Variants in P2RY12 observed in about 807,000 individuals in gnomAD.
P2RY12 encodes the protein purinergic receptor P2Y12.
P2RY12 carries 3 observed loss-of-function variants against 4.5 expected under a neutral mutation model. The ratio of observed to expected loss-of-function variants is 0.67; its 90% confidence interval spans 0.31 to 1.74. The LOEUF (loss-of-function observed/expected upper bound fraction) is 1.74. P2RY12 is among the 40% of genes most tolerant of loss of function. The pLI is 0.09. For missense variants in P2RY12, 356 were observed against 407.8 expected (o/e 0.87, Z 1.09); for synonymous variants, 148 against 154.1 (o/e 0.96, Z 0.29).
At chr3:151,359,135 A>G (rs150724815) in intron 1 of P2RY12, among the ~76,000 whole-genome samples, 247 of 152,092 alleles carry the variant, frequency 1.6e-3, no homozygotes, top group African/African-American at 5.7e-3. Context: ...CCTTATGTCC[A>G]CGTGTACCTC....
chr3:151,383,324 G>A (rs1358142049), intron 1 of P2RY12, among the ~76,000 whole-genome samples: 1 of 152,188 alleles, frequency 6.6e-6, no homozygotes, highest in South Asian at 2.1e-4. Context: ...TGCGGGCCAA[G>A]CCTCCTGCCC....
chr3:151,339,451 C>A (rs960034075), intron 2 of P2RY12, among the ~76,000 whole-genome samples: 5 of 147,778 alleles, frequency 3.4e-5, no homozygotes, highest in African/African-American at 1.2e-4. Context: ...AAAAGCTGAC[C>A]TTTTTTCTTT....
chr3:151,356,785 T>A (rs1005546649), intron 1 of P2RY12, among the ~76,000 whole-genome samples: 2 of 152,212 alleles, frequency 1.3e-5, no homozygotes, highest in African/African-American at 4.8e-5. Flanking sequence ...TTATGCACAT[T>A]TGAGTTCATT....
intron 1 of P2RY12, among the ~76,000 whole-genome samples, chr3:151,348,376 A>G (rs970334387): frequency 2.7e-5 from 4 of 146,820 alleles, no homozygotes; most frequent in African/African-American, 7.5e-5. Context: ...AAAAAGAAAT[A>G]TATCAGTAAT....
intron 1 of P2RY12, among the ~76,000 whole-genome samples, chr3:151,373,401 G>A (rs1472154144): frequency 1.3e-5 from 2 of 152,170 alleles, no homozygotes; most frequent in Non-Finnish European, 2.9e-5. Flanking sequence ...AGTGGGGACT[G>A]TGTAGTTACT....
intron 1 of P2RY12, among the ~76,000 whole-genome samples, chr3:151,346,677 A>G (rs991878986): frequency 6.6e-6 from 1 of 152,064 alleles, no homozygotes; most frequent in African/African-American, 2.4e-5. Context: ...ATGTATGTGC[A>G]CCATTTGCTG....
chr3:151,376,623 G>T, intron 1 of P2RY12, among the ~76,000 whole-genome samples: 1 of 152,090 alleles, frequency 6.6e-6, no homozygotes, highest in East Asian at 1.9e-4. Flanking sequence ...TCTGTTTATT[G>T]GTTTGTATCG....
At chr3:151,338,948 T>G in intron 2 of P2RY12, 89 bp from the exon 3 acceptor site, 1 of 1,158,678 alleles carries the variant, frequency 8.6e-7, no homozygotes, top group South Asian at 1.3e-5. Flanking sequence ...GGACACAGCC[T>G]CCTCTAAAAG....
At chr3:151,369,470 T>C (rs756564772) in intron 1 of P2RY12, 1 of 1,611,012 alleles carries the variant, frequency 6.2e-7, no homozygotes, top group Admixed American at 1.7e-5. Context: ...CATCTTGTGA[T>C]AGACACCTCT....
intron 1 of P2RY12, chr3:151,375,902 A>G: frequency 1.8e-6 from 1 of 548,152 alleles, no homozygotes. Context: ...TTTTAATGTA[A>G]TTTTTTAAAT....
intron 1 of P2RY12, among the ~76,000 whole-genome samples, chr3:151,375,596 C>G (rs73008523): frequency 1.3e-5 from 2 of 151,874 alleles, no homozygotes. Flanking sequence ...AAAGGAAGAT[C>G]GTTTTCTAAA....
chr3:151,350,016 C>T (rs772322292), intron 1 of P2RY12: 1 of 1,588,556 alleles, frequency 6.3e-7, no homozygotes, highest in South Asian at 1.1e-5. Context: ...TGCAACCCCA[C>T]CCCTGCAGAC....
chr3:151,359,773 AG>A (rs1446737457), intron 1 of P2RY12, among the ~76,000 whole-genome samples: 1 of 152,152 alleles, frequency 6.6e-6, no homozygotes, highest in African/African-American at 2.4e-5. Context: ...ACAAAATACA[AG>A]ATGGTGATGG....
chr3:151,364,878 T>C, intron 1 of P2RY12: 1 of 784,244 alleles, frequency 1.3e-6, no homozygotes, highest in Non-Finnish European at 2.2e-6. Flanking sequence ...TCTCTAGGAA[T>C]GCATTACAGT....
In P2RY12 at chr3:151,337,961, C is replaced by G; in HGVS notation, c.885G>C (p.Pro295=). The G allele has an allele frequency of 6.2e-7, 1 of 1,614,052 alleles. No individual in the cohort carries two copies. The highest frequency in any genetic ancestry group is 8.5e-7 in the Non-Finnish European group (1 of 1,180,012). Reference sequence around the variant, plus strand: ...ACTTGCAAAGGAAAAAATAGATGAACGGATCCAGGCATGCATTTAAGGAAG... The same window carrying G: ...ACTTGCAAAGGAAAAAATAGATGAAGGGATCCAGGCATGCATTTAAGGAAG... ...WLTSLNACLD[P]FIYFFLCKSF... is the part of the protein sequence containing the mutation. Residue 295 remains proline, a synonymous_variant, in exon 3 of 3, where the codon CCG becomes CCC. Transcript: ENST00000302632.
At chr3:151,377,136 A>C in intron 1 of P2RY12, 1 of 1,613,978 alleles carries the variant, frequency 6.2e-7, no homozygotes, top group Non-Finnish European at 8.5e-7. Flanking sequence ...GGAAGTGCTG[A>C]TACAAGTAGC....
rs202032115 is a variant in P2RY12, at chr3:151,372,699, G to A, written c.-180+11993C>T. 3.1e-5 allele frequency: 50 copies of A among 1,613,928 alleles called. 2 individuals are homozygous for A. Among genetic ancestry groups the A allele is most frequent in the Admixed American group, 2.5e-4 (15 of 60,004 alleles). ...CAAAATCCAAAATCCTGTGGGAAAA[G>A]CATTTCCATAGAAACTGCCAATTTA... On this transcript the variant is annotated intron_variant, in intron 1 of 2. Transcript: ENST00000302632.
chr3:151,358,289 A>G (rs1178002299), intron 1 of P2RY12, among the ~76,000 whole-genome samples: 1 of 152,150 alleles, frequency 6.6e-6, no homozygotes, highest in Non-Finnish European at 1.5e-5. Context: ...ACATATTAGA[A>G]TTCAGGAAAT....
intron 1 of P2RY12, among the ~76,000 whole-genome samples, chr3:151,349,038 T>G (rs1041400322): frequency 1.8e-4 from 28 of 152,166 alleles, no homozygotes; most frequent in African/African-American, 6.5e-4. Flanking sequence ...AAAATATACA[T>G]AGAGTAAGAA....
Sources: gnomAD v4.1 joint callset for allele counts (sites outside exome capture counted in the v4.1 genomes callset) on GRCh38, gnomAD v4.1.1 for gene constraint, MANE v1.5 for transcripts, NCBI Gene and HGNC (gene_info 2026-07-23, HGNC 2026-07-21) for gene names.